KCNN2: variants seen among roughly 807,000 people sequenced by gnomAD.
KCNN2 encodes the protein potassium calcium-activated channel subfamily N member 2, also known as small conductance calcium-activated potassium channel protein 2.
A neutral mutation model predicts 55.5 loss-of-function variants in KCNN2; 24 were observed. The ratio of observed to expected loss-of-function variants is 0.43; its 90% confidence interval spans 0.31 to 0.61. The LOEUF is 0.61. Among genes scored for constraint, KCNN2 ranks in the 20% least tolerant of loss-of-function variants. The probability of loss-of-function intolerance (pLI) is 0.08; values close to 1 mark genes in which losing one functional copy is unlikely to be tolerated. For synonymous variants in KCNN2, 431 were observed against 336.1 expected, an observed-to-expected ratio of 1.28 and a Z score of -3.09; for missense variants, 754 against 853.6, an observed-to-expected ratio of 0.88 and a Z score of 1.45.
intron 2 of KCNN2, among the ~76,000 whole-genome samples, chr5:114,276,814 T>G (rs151250207): frequency 6.6e-6 from 1 of 152,256 alleles, no homozygotes; most frequent in South Asian, 2.1e-4. Flanking sequence ...GTCTTTTGAT[T>G]GGGACATTTA....
chr5:114,465,196 T>G (rs1337755037), intron 4 of KCNN2, among the ~76,000 whole-genome samples: 1 of 152,234 alleles, frequency 6.6e-6, no homozygotes, highest in African/African-American at 2.4e-5. Context: ...CCTTGATATT[T>G]TCTTGTTCCT....
chr5:114,437,813 T>C (rs1336465428), intron 3 of KCNN2, among the ~76,000 whole-genome samples: 2 of 152,204 alleles, frequency 1.3e-5, no homozygotes, highest in Non-Finnish European at 2.9e-5. Flanking sequence ...ACGTGTCTAT[T>C]TGCCTGGGTG....
chr5:114,187,977 G>C (rs1160918525), intron 1 of KCNN2, among the ~76,000 whole-genome samples: 1 of 151,796 alleles, frequency 6.6e-6, no homozygotes, highest in Admixed American at 6.6e-5. Flanking sequence ...ACCACACCCA[G>C]CTAATTTTGT....
chr5:114,322,030 C>T (rs1756624779), intron 2 of KCNN2, among the ~76,000 whole-genome samples: 1 of 152,172 alleles, frequency 6.6e-6, no homozygotes, highest in Non-Finnish European at 1.5e-5. Flanking sequence ...TACCCAGTTT[C>T]CTCAGCTTAG....
chr5:114,471,438 C>T (rs545947655), intron 4 of KCNN2, among the ~76,000 whole-genome samples: 1 of 152,172 alleles, frequency 6.6e-6, no homozygotes, highest in South Asian at 2.1e-4. Flanking sequence ...CAGGTGCAGC[C>T]ATCCATTTTT....
intron 1 of KCNN2, among the ~76,000 whole-genome samples, chr5:114,061,461 A>G (rs1750328532): frequency 6.6e-6 from 1 of 152,192 alleles, no homozygotes; most frequent in Admixed American, 6.5e-5. Flanking sequence ...AATGAAATCT[A>G]AGACTCCATT....
At chr5:114,328,380 A>C (rs1756749570) in intron 2 of KCNN2, among the ~76,000 whole-genome samples, 1 of 152,152 alleles carries the variant, frequency 6.6e-6, no homozygotes, top group Non-Finnish European at 1.5e-5. Context: ...TAAAGCCACG[A>C]AGTAGCAAGA....
chr5:114,452,468 A>C (rs990827847), intron 3 of KCNN2, among the ~76,000 whole-genome samples: 1 of 152,134 alleles, frequency 6.6e-6, no homozygotes, highest in African/African-American at 2.4e-5. Context: ...TAAGCTTCTC[A>C]TGAATGCTTA....
chr5:114,101,344 A>G (rs920268898), intron 1 of KCNN2, among the ~76,000 whole-genome samples: 1 of 151,096 alleles, frequency 6.6e-6, no homozygotes, highest in Non-Finnish European at 1.5e-5. Context: ...CTGGTGCAGT[A>G]GGTGTAATCA....
chr5:114,328,283 G>A (rs1299991409), intron 2 of KCNN2, among the ~76,000 whole-genome samples: 1 of 151,954 alleles, frequency 6.6e-6, no homozygotes, highest in Non-Finnish European at 1.5e-5. Context: ...ATGCTAGGTG[G>A]GTTCCTTAAT....
chr5:114,304,709 C>T (rs934052450), intron 2 of KCNN2, among the ~76,000 whole-genome samples: 2 of 152,238 alleles, frequency 1.3e-5, no homozygotes, highest in Non-Finnish European at 2.9e-5. Flanking sequence ...TGGCAGACAG[C>T]TTGTACCATA....
chr5:114,437,240 A>G (rs1001650446), intron 3 of KCNN2, among the ~76,000 whole-genome samples: 5 of 152,210 alleles, frequency 3.3e-5, no homozygotes, highest in African/African-American at 1.2e-4. Context: ...ACAGAATTAA[A>G]TGGACTTCTT....
chr5:114,113,049 C>T (rs571638360), intron 1 of KCNN2, among the ~76,000 whole-genome samples: 24 of 152,188 alleles, frequency 1.6e-4, no homozygotes, highest in Middle Eastern at 3.4e-3. Flanking sequence ...GTGATTCAGA[C>T]AGGAACCTCA....
intron 1 of KCNN2, among the ~76,000 whole-genome samples, chr5:114,212,108 T>G (rs1753899199): frequency 6.6e-6 from 1 of 152,016 alleles, no homozygotes; most frequent in Non-Finnish European, 1.5e-5. Context: ...AGAAGAAACA[T>G]TTGGTGAAAC....
chr5:114,386,173 A>C (rs1487921843), intron 2 of KCNN2, among the ~76,000 whole-genome samples: 2 of 139,614 alleles, frequency 1.4e-5, no homozygotes, highest in Non-Finnish European at 3.1e-5. Context: ...ACAGAGCGAG[A>C]CTCTGTCTAA....
At chr5:114,449,910 G>A (rs898356) in intron 3 of KCNN2, among the ~76,000 whole-genome samples, 6,082 of 24,918 alleles carry the variant, frequency 0.24, 126 homozygotes, top group South Asian at 0.37. Context: ...ACACACACAC[G>A]CGCGCGCTCG....
At chr5:114,072,906 C>T (rs994167600) in intron 1 of KCNN2, among the ~76,000 whole-genome samples, 1 of 152,192 alleles carries the variant, frequency 6.6e-6, no homozygotes, top group Non-Finnish European at 1.5e-5. Flanking sequence ...GTACTATAAA[C>T]ATGTTAAATT....
intron 3 of KCNN2, among the ~76,000 whole-genome samples, chr5:114,448,318 T>C (rs187909787): frequency 6.6e-6 from 1 of 152,272 alleles, no homozygotes; most frequent in Non-Finnish European, 1.5e-5. Context: ...CTGAAGCCTT[T>C]ATGGAGTAGG....
chr5:114,227,020 G>C (rs1370353139), intron 2 of KCNN2, among the ~76,000 whole-genome samples: 1 of 150,834 alleles, frequency 6.6e-6, no homozygotes, highest in Admixed American at 6.6e-5. Flanking sequence ...ATACTTCTGT[G>C]TCTTTTGATT....
Sources: allele counts gnomAD v4.1 joint callset (sites outside exome capture counted in the v4.1 genomes callset), GRCh38; gene constraint gnomAD v4.1.1; transcripts MANE v1.5; gene names NCBI Gene and HGNC (gene_info 2026-07-23, HGNC 2026-07-21).